GIT2: variants seen among roughly 807,000 people sequenced by gnomAD.
GIT2 encodes the protein GIT ArfGAP 2, also known as ARF GTPase-activating protein GIT2.
Under a neutral mutation model 100.3 loss-of-function variants are expected in GIT2, and 32 were observed. That is an observed-to-expected ratio of 0.32 (90% CI 0.24 to 0.43). The LOEUF is 0.43. GIT2 is among the 20% of genes least tolerant of loss of function. The probability of loss-of-function intolerance (pLI) is 1.00; values close to 1 mark genes in which losing one functional copy is unlikely to be tolerated. For synonymous variants in GIT2, 353 were observed against 364.1 expected, an observed-to-expected ratio of 0.97 and a Z score of 0.35; for missense variants, 737 against 975.1, an observed-to-expected ratio of 0.76 and a Z score of 3.25.
At chr12:109,991,598 C>T in intron 2 of GIT2, 29 bp downstream of exon 2, 1 of 1,582,606 alleles carries the variant, frequency 6.3e-7, no homozygotes. Context: ...TGTAAATTAC[C>T]AACTGTCAGG....
At chr12:109,964,652 C>T (rs1881882349) in intron 9 of GIT2, among the ~76,000 whole-genome samples, 1 of 151,192 alleles carries the variant, frequency 6.6e-6, no homozygotes, top group African/African-American at 2.4e-5. Flanking sequence ...CACACACACA[C>T]ACACACACAC....
chr12:109,994,542 C>A (rs1217620411), intron 1 of GIT2, among the ~76,000 whole-genome samples: 1 of 152,112 alleles, frequency 6.6e-6, no homozygotes, highest in Non-Finnish European at 1.5e-5. Context: ...TTCAAGGTAG[C>A]CTAATTATAT....
intron 8 of GIT2, among the ~76,000 whole-genome samples, chr12:109,966,295 G>A (rs2136467720): frequency 6.7e-6 from 1 of 150,034 alleles, no homozygotes; most frequent in East Asian, 2.0e-4. Context: ...CCCTGGCGAG[G>A]TCAGGGGTTT....
chr12:109,976,103 T>TATAC (rs1884967201), intron 7 of GIT2, among the ~76,000 whole-genome samples: 1 of 121,864 alleles, frequency 8.2e-6, no homozygotes, highest in Non-Finnish European at 1.6e-5. Flanking sequence ...TAGAAATTAC[T>TATAC]ATACACACAC....
At position 109,953,190 on chromosome 12, in the gene GIT2, C is replaced by G. The variant is rs560157222; in HGVS notation, c.1144G>C (p.Val382Leu). ...ILKTINNQHS[V>L]ESQDNDQPDY... ...GGCTGATCGTTGTCTTGACTCTCAA[C>G]GCTGTGCTGGTTATTGATGGTTTTC... The change falls in exon 13 of 20, where the codon GTT becomes CTT. Residue 382 changes from valine to leucine, a missense_variant. Physicochemically the swap from Val to Leu is conservative, Grantham distance 32 (BLOSUM62 1). Around this residue, in one of 3 missense-constraint regions of GIT2, gnomAD observed 451 missense variants for 543.7 expected, o/e 0.83. Transcript: ENST00000355312. 1 of 1,613,974 alleles carries G rather than the reference C, an allele frequency of 6.2e-7. No individual in the cohort carries two copies. Among genetic ancestry groups the G allele is most frequent in the Admixed American group, 1.7e-5 (1 of 60,028 alleles).
intron 1 of GIT2, among the ~76,000 whole-genome samples, chr12:109,992,352 G>A (rs932310965): frequency 2.0e-5 from 3 of 151,798 alleles, no homozygotes; most frequent in African/African-American, 7.3e-5. Flanking sequence ...TCATCATGTT[G>A]GTCAGGTTGG....
intron 18 of GIT2, among the ~76,000 whole-genome samples, chr12:109,935,471 C>T (rs557404080): frequency 6.6e-5 from 10 of 152,256 alleles, no homozygotes; most frequent in Admixed American, 6.5e-5. Flanking sequence ...CTGCAACCTC[C>T]GCCTCCTGGC....
chr12:109,976,895 G>C (rs1009849238), intron 7 of GIT2, among the ~76,000 whole-genome samples: 1 of 152,080 alleles, frequency 6.6e-6, no homozygotes, highest in Non-Finnish European at 1.5e-5. Context: ...GGCTGACAAT[G>C]TTACAGCTTT....
intron 12 of GIT2, among the ~76,000 whole-genome samples, chr12:109,956,123 A>G (rs1368501982): frequency 6.6e-6 from 1 of 151,936 alleles, no homozygotes; most frequent in Non-Finnish European, 1.5e-5. Flanking sequence ...GTAGAGACAG[A>G]GTTTCACCAT....
intron 13 of GIT2, among the ~76,000 whole-genome samples, 163 bp from the exon 14 acceptor site, chr12:109,951,479 G>A (rs1877837708): frequency 6.6e-6 from 1 of 152,128 alleles, no homozygotes; most frequent in South Asian, 2.1e-4. Flanking sequence ...TAAAAGTAGG[G>A]TCACTATACT....
At position 109,933,311 on chromosome 12, in the gene GIT2, C is replaced by T. The variant is rs1872016953; in HGVS notation, c.2068-121G>A. ...CAGAGTGAAAGGCGGTTTGGTCCTG[C>T]CCTTTCTCAAAGGGGTGCTTCACAC... On this transcript the variant is annotated intron_variant, in intron 19 of 19. Transcript: ENST00000355312. The surrounding 1 kb of genome is among the most constrained non-coding windows in gnomAD (Gnocchi z 4.5). The T allele has an allele frequency of 3.1e-6, 2 of 635,362 alleles. No homozygotes were observed. Among genetic ancestry groups the T allele is most frequent in the East Asian group, 2.7e-5 (1 of 36,438 alleles). 39.4% of individuals were successfully genotyped at this position (635,362 alleles called of 1,614,324 possible). A position where few individuals can be genotyped will look rare whatever the true frequency, so the allele number is the denominator to read the frequency against.
chr12:109,999,204 G>A (rs1889804447), upstream of GIT2: 1 of 153,516 alleles, frequency 6.5e-6, no homozygotes, highest in Admixed American at 6.5e-5. This position sits in a 1 kb window ranked among gnomAD's most constrained non-coding sequence, Gnocchi z 4.3. Context: ...ACTGGAGCAG[G>A]GGGAAAGAAG....
intron 18 of GIT2, among the ~76,000 whole-genome samples, chr12:109,935,710 T>C (rs1303296167): frequency 6.6e-6 from 1 of 152,246 alleles, no homozygotes; most frequent in African/African-American, 2.4e-5. Flanking sequence ...AAGAGTTTTA[T>C]ATTTTGTTGT....
chr12:109,965,743 C>A lies in GIT2; in HGVS notation c.765-166G>T, dbSNP rs757035520. 2.5e-5 allele frequency: 19 copies of A among 749,338 alleles called. No individual in the cohort carries two copies. In the East Asian group the frequency reaches 4.8e-4, roughly 19 times the overall value. The allele number at this position is 749,338 out of a possible 1,614,324, so 46.4% of individuals were successfully genotyped here. A position where few individuals can be genotyped will look rare whatever the true frequency, so the allele number is the denominator to read the frequency against. ...AGTCAGTGAGGAGCTCTAAACAGAA[C>A]AATCTGGTGAAAGTAACTCCTTCTG... On this transcript the variant is annotated intron_variant, in intron 8 of 19. Transcript: ENST00000355312.
rs1462057488 is a variant in GIT2 at position 109,948,583 on chromosome 12, C to T, written c.1393-1079G>A. 8 of 1,400,980 alleles carry T rather than the reference C, an allele frequency of 5.7e-6. No homozygotes were observed. The highest frequency in any genetic ancestry group is 6.5e-6 in the Non-Finnish European group (7 of 1,084,930). The allele number at this position is 1,400,980 out of a possible 1,614,324, so 86.8% of individuals were successfully genotyped here. ...TTCCCTTCTGGTGCGCCTTCATCTT[C>T]CATGGACATTCTATAAGCTGGGTGT... is the stretch of plus-strand genomic sequence containing the variant. On this transcript the variant is annotated intron_variant, in intron 14 of 19. Transcript: ENST00000355312. This position sits in a 1 kb window ranked among gnomAD's most constrained non-coding sequence, Gnocchi z 4.3.
At chr12:109,991,600 AC>A (rs1454188056) in intron 2 of GIT2, 26 bp downstream of exon 2, 1 of 1,586,990 alleles carries the variant, frequency 6.3e-7, no homozygotes, top group South Asian at 1.1e-5. Flanking sequence ...TAAATTACCA[AC>A]TGTCAGGAGA....
chr12:109,980,882 A>T, intron 7 of GIT2, 70 bp downstream of exon 7: 1 of 899,628 alleles, frequency 1.1e-6, no homozygotes, highest in Non-Finnish European at 1.9e-6. Context: ...AATAACAAAT[A>T]GTGTCCCAAC....
rs541168935 is a variant in GIT2 at position 109,972,002 on chromosome 12, GA to G, written c.719-4500del. Among the ~76,000 whole-genome samples the G allele has an allele frequency of 7.7e-3, 1,045 of 136,358 alleles. 11 individuals are homozygous for G. The highest frequency in any genetic ancestry group is 0.03 in the East Asian group (151 of 5,006). 89.5% of individuals were successfully genotyped at this position (136,358 alleles called of 152,430 possible). On this transcript the variant is annotated intron_variant, in intron 7 of 19. Coordinates refer to ENST00000355312, the MANE Select transcript of GIT2 (RefSeq NM_057169.5). ...GAGCAAGACTATCTCAAAAAAAAGGGAAAAAAAAATATATATATATATATGG... is the reference window on the plus strand; with the variant it reads ...GAGCAAGACTATCTCAAAAAAAAGGGAAAAAAAATATATATATATATATGG...
chr12:109,962,151 G>A lies in GIT2; in HGVS notation c.817-466C>T, dbSNP rs1189436134. On this transcript the variant is annotated intron_variant, in intron 9 of 19. Coordinates refer to ENST00000355312, the MANE Select transcript of GIT2 (RefSeq NM_057169.5). This position sits in a 1 kb window ranked among gnomAD's most constrained non-coding sequence, Gnocchi z 4.3. ...GTGGATTGCTTAAGCCCAGGAGTTC[G>A]AGACCAGCCTGGGCAACATGGTGAA... is the stretch of plus-strand genomic sequence containing the variant. Among the ~76,000 whole-genome samples, 3 of 152,078 alleles carry A rather than the reference G, an allele frequency of 2.0e-5. No homozygotes were observed. The highest frequency in any genetic ancestry group is 4.8e-5 in the African/African-American group (2 of 41,402).
Sources: gnomAD v4.1 joint callset for allele counts (sites outside exome capture counted in the v4.1 genomes callset) on GRCh38, gnomAD v4.1.1 for gene constraint, gnomAD v4.1.1 regional missense constraint, Gnocchi (gnomAD v3.1) non-coding constraint, MANE v1.5 for transcripts, NCBI Gene and HGNC (gene_info 2026-07-23, HGNC 2026-07-21) for gene names.